Variants in PHLPP1 observed in about 807,000 individuals in gnomAD.
PHLPP1 encodes the protein PH domain and leucine rich repeat protein phosphatase 1, also known as PH domain leucine-rich repeat-containing protein phosphatase 1.
A neutral mutation model predicts 117.2 loss-of-function variants in PHLPP1; 42 were observed. That is an observed-to-expected ratio of 0.36 (90% CI 0.28 to 0.46). The LOEUF (loss-of-function observed/expected upper bound fraction) is 0.46, where lower values mean the gene tolerates loss of function less well. Ranked by LOEUF, PHLPP1 falls within the 20% of genes least tolerant of loss-of-function variation. The probability of loss-of-function intolerance (pLI) is 1.00; values close to 1 mark genes in which losing one functional copy is unlikely to be tolerated. For synonymous variants in PHLPP1, 1,042 were observed against 970.7 expected (o/e 1.07, Z -1.37); for missense variants, 2,084 against 2,241.9 (o/e 0.93, Z 1.42).
intron 1 of PHLPP1, among the ~76,000 whole-genome samples, chr18:62,729,720 G>A (rs1027270604): frequency 6.6e-6 from 1 of 152,092 alleles, no homozygotes. Context: ...CCACATTTAG[G>A]TATTTGTATG....
At chr18:62,852,365 A>T (rs1301677212) in intron 3 of PHLPP1, among the ~76,000 whole-genome samples, 2 of 151,964 alleles carry the variant, frequency 1.3e-5, no homozygotes, top group Admixed American at 1.3e-4. Flanking sequence ...ATTTTTTGAG[A>T]TGGAGTCTCA....
At chr18:62,957,306 C>G (rs1270147955) in intron 12 of PHLPP1, among the ~76,000 whole-genome samples, 2 of 152,176 alleles carry the variant, frequency 1.3e-5, no homozygotes, top group African/African-American at 4.8e-5. Context: ...GAGAAAGGAG[C>G]TATAATTTCT....
rs745450171 is a variant in PHLPP1, at chr18:62,717,072, T to TCCGCCGCCC, written c.1399_1407dup (p.Pro467_Pro469dup). The TCCGCCGCCC allele has an allele frequency of 4.8e-5, 63 of 1,323,642 alleles. No homozygotes were observed. Among genetic ancestry groups the TCCGCCGCCC allele is most frequent in the South Asian group, 2.1e-4 (17 of 79,538 alleles). 82.0% of individuals were successfully genotyped at this position (1,323,642 alleles called of 1,614,324 possible). On this transcript the variant is annotated inframe_insertion, in exon 1 of 17. Transcript: ENST00000262719. The stretch of plus-strand genomic sequence containing the variant: ...GCGGGGTGACCGCGGAGAAGGCGCC[T>TCCGCCGCCC]CCGCCGCCCCCGCCGCCCACCCTGT...
intron 3 of PHLPP1, among the ~76,000 whole-genome samples, chr18:62,849,158 G>A (rs2144350522): frequency 6.6e-6 from 1 of 152,290 alleles, no homozygotes; most frequent in African/African-American, 2.4e-5. Context: ...AGTTATTTAA[G>A]AAATCTGAGA....
chr18:62,729,640 G>A (rs1261411913), intron 1 of PHLPP1, among the ~76,000 whole-genome samples: 1 of 151,824 alleles, frequency 6.6e-6, no homozygotes, highest in Non-Finnish European at 1.5e-5. Flanking sequence ...ATGCCACTGC[G>A]CTCCAGCCTG....
intron 4 of PHLPP1, among the ~76,000 whole-genome samples, chr18:62,873,618 C>G (rs1022218836): frequency 2.0e-5 from 3 of 152,128 alleles, no homozygotes; most frequent in African/African-American, 7.2e-5. Flanking sequence ...AAGGTCCTAG[C>G]TGGTTCTAGA....
intron 10 of PHLPP1, among the ~76,000 whole-genome samples, chr18:62,929,048 G>A: frequency 6.6e-6 from 1 of 152,080 alleles, no homozygotes; most frequent in East Asian, 1.9e-4. Context: ...AACTGTTGTG[G>A]AATTATATGG....
intron 8 of PHLPP1, 36 bp from the exon 9 acceptor site, chr18:62,914,877 A>G (rs1909220327): frequency 1.4e-6 from 2 of 1,478,254 alleles, no homozygotes; most frequent in African/African-American, 1.4e-5. Context: ...ATTTGAGGAC[A>G]AATTCAACCA....
chr18:62,885,763 C>G (rs774463306), intron 4 of PHLPP1, among the ~76,000 whole-genome samples: 3 of 152,096 alleles, frequency 2.0e-5, no homozygotes, highest in Non-Finnish European at 2.9e-5. Context: ...GATTAAGAAA[C>G]TAAACACTCT....
chr18:62,957,842 A>G (rs1452176460), intron 12 of PHLPP1, among the ~76,000 whole-genome samples: 4 of 151,356 alleles, frequency 2.6e-5, no homozygotes, highest in Admixed American at 1.3e-4. Flanking sequence ...CACCCTCTCT[A>G]GTAGCTGGGA....
intron 10 of PHLPP1, among the ~76,000 whole-genome samples, chr18:62,924,777 G>T (rs548814335): frequency 6.7e-5 from 10 of 149,182 alleles, no homozygotes; most frequent in African/African-American, 2.5e-4. Context: ...GTTCGAGGCT[G>T]CCGTGAGCTC....
chr18:62,873,906 C>T (rs1298485822), intron 4 of PHLPP1, among the ~76,000 whole-genome samples: 2 of 151,944 alleles, frequency 1.3e-5, no homozygotes, highest in African/African-American at 2.4e-5. Context: ...AATAAAGGGC[C>T]GGATGCGGTG....
intron 16 of PHLPP1, among the ~76,000 whole-genome samples, chr18:62,977,353 A>G (rs189650203): frequency 1.3e-5 from 2 of 148,534 alleles, no homozygotes; most frequent in East Asian, 4.1e-4. Flanking sequence ...TGTTAAAACT[A>G]GGGCATGTAG....
rs555955169 is a variant in PHLPP1 at position 62,761,684 on chromosome 18, G to A, written c.1576+44425G>A. On this transcript the variant is annotated intron_variant, in intron 1 of 16. Coordinates refer to ENST00000262719, the MANE Select transcript of PHLPP1 (RefSeq NM_194449.4). Reference sequence around the variant, plus strand: ...ATAAAAAATAAAAAAAAAAAGAAATGATGGTATTAGTAATGTAAAGAAAAA... The same window carrying A: ...ATAAAAAATAAAAAAAAAAAGAAATAATGGTATTAGTAATGTAAAGAAAAA... Among the ~76,000 whole-genome samples, 3 of 151,638 alleles carry A rather than the reference G, an allele frequency of 2.0e-5. No individual in the cohort carries two copies. In the East Asian group the frequency reaches 5.8e-4, roughly 29 times the overall value.
At chr18:62,825,099 T>C (rs1286930650) in intron 1 of PHLPP1, among the ~76,000 whole-genome samples, 1 of 151,920 alleles carries the variant, frequency 6.6e-6, no homozygotes, top group African/African-American at 2.4e-5. Flanking sequence ...GCTAGGACTA[T>C]GGGCGCCTGC....
intron 1 of PHLPP1, among the ~76,000 whole-genome samples, chr18:62,725,857 A>G (rs1911052815): frequency 6.6e-6 from 1 of 152,206 alleles, no homozygotes; most frequent in Admixed American, 6.5e-5. Flanking sequence ...TTACTGTTCA[A>G]TTTTAAATGA....
chr18:62,716,977 G>A lies in PHLPP1; in HGVS notation c.1294G>A (p.Glu432Lys). ...TGACAGCCCGGGCGGGGCCGTCCGCGAGGGGTCGTGCGAGGAGAAGGCAGC... is the reference window on the plus strand; with the variant it reads ...TGACAGCCCGGGCGGGGCCGTCCGCAAGGGGTCGTGCGAGGAGAAGGCAGC... Reference protein sequence around the residue: ...AIDSPGGAVREGSCEEKAAAA... With the variant: ...AIDSPGGAVRKGSCEEKAAAA... The change falls in exon 1 of 17, where the codon GAG becomes AAG. Residue 432 changes from glutamate to lysine, a missense_variant. By Grantham distance (56) the Glu-to-Lys change is moderately conservative. Coordinates refer to ENST00000262719, the MANE Select transcript of PHLPP1 (RefSeq NM_194449.4). This position sits in a 1 kb window ranked among gnomAD's most constrained non-coding sequence, Gnocchi z 5.7. 2 of 1,541,028 alleles carry A rather than the reference G, an allele frequency of 1.3e-6. No individual in the cohort carries two copies. Among genetic ancestry groups the A allele is most frequent in the Non-Finnish European group, 1.7e-6 (2 of 1,146,074 alleles).
At chr18:62,937,699 G>A (rs112369204) in intron 10 of PHLPP1, among the ~76,000 whole-genome samples, 73 of 152,266 alleles carry the variant, frequency 4.8e-4, no homozygotes, top group African/African-American at 1.6e-3. Context: ...TCTCTGGGGT[G>A]ATGGAAAAAT....
At chr18:62,742,304 C>T (rs763537551) in intron 1 of PHLPP1, among the ~76,000 whole-genome samples, 2 of 152,128 alleles carry the variant, frequency 1.3e-5, no homozygotes, top group Admixed American at 6.5e-5. Flanking sequence ...ATCTTTTAGC[C>T]ACCTACACAG....
Sources: allele counts gnomAD v4.1 joint callset (sites outside exome capture counted in the v4.1 genomes callset), GRCh38; gene constraint gnomAD v4.1.1; non-coding constraint Gnocchi (gnomAD v3.1); transcripts MANE v1.5; gene names NCBI Gene and HGNC (gene_info 2026-07-23, HGNC 2026-07-21).